Variants in PTPRN2 observed in about 807,000 individuals in gnomAD.
The protein encoded by PTPRN2 is protein tyrosine phosphatase receptor type N2, also known as receptor-type tyrosine-protein phosphatase N2.
In PTPRN2, 74 loss-of-function variants were observed where a neutral mutation model predicts 118.8. That is an observed-to-expected ratio of 0.62 (90% CI 0.52 to 0.76). The LOEUF (loss-of-function observed/expected upper bound fraction) is 0.76. PTPRN2 is among the 30% of genes least tolerant of loss of function. The pLI is 0.00. For synonymous variants in PTPRN2, 641 were observed against 608.0 expected, an observed-to-expected ratio of 1.05 and a Z score of -0.80; for missense variants, 1,481 against 1,394.4, an observed-to-expected ratio of 1.06 and a Z score of -0.99.
Position 157,740,488 on chromosome 7 carries a change from C to T in PTPRN2, c.1789-57551G>A, listed in dbSNP as rs1023104020. ...CCCCGTCTCCCTCCGTCCACGGCAACGCGGGAGCCTGACCAGCTCCGGAAC... is the reference window on the plus strand; with the variant it reads ...CCCCGTCTCCCTCCGTCCACGGCAATGCGGGAGCCTGACCAGCTCCGGAAC... On this transcript the variant is annotated intron_variant, in intron 12 of 22. Coordinates refer to ENST00000389418, the MANE Select transcript of PTPRN2 (RefSeq NM_002847.5). 5.3e-5 allele frequency: 8 copies of T among 151,290 alleles called. No individual in the cohort carries two copies. In the East Asian group the frequency reaches 9.7e-4, roughly 18 times the overall value. 9.4% of individuals were successfully genotyped at this position (151,290 alleles called of 1,614,324 possible). A position where few individuals can be genotyped will look rare whatever the true frequency, so the allele number is the denominator to read the frequency against.
At chr7:158,581,269 GTCTT>G (rs1280174947) in intron 1 of PTPRN2, among the ~76,000 whole-genome samples, 1 of 152,314 alleles carries the variant, frequency 6.6e-6, no homozygotes, top group South Asian at 2.1e-4. Context: ...CCAAGACTCA[GTCTT>G]TCTATCTGTA....
At chr7:158,461,840 A>T (rs924022468) in intron 2 of PTPRN2, among the ~76,000 whole-genome samples, 1 of 152,210 alleles carries the variant, frequency 6.6e-6, no homozygotes, top group Non-Finnish European at 1.5e-5. Context: ...TTTCACCCAC[A>T]TTTTAAAAAC....
intron 11 of PTPRN2, among the ~76,000 whole-genome samples, chr7:157,954,980 A>G (rs1335427259): frequency 6.6e-6 from 1 of 152,232 alleles, no homozygotes; most frequent in Admixed American, 6.5e-5. Context: ...TTGTTTTTAC[A>G]AAATGCCACT....
intron 3 of PTPRN2, among the ~76,000 whole-genome samples, chr7:158,262,921 ACATT>A (rs760807418): frequency 7.3e-4 from 104 of 143,186 alleles, no homozygotes; most frequent in Admixed American, 1.9e-3. Context: ...CACTGCACAC[ACATT>A]CACACACTGC....
chr7:157,660,616 C>T (rs1795838886), intron 13 of PTPRN2, among the ~76,000 whole-genome samples: 1 of 152,134 alleles, frequency 6.6e-6, no homozygotes, highest in African/African-American at 2.4e-5. Context: ...AGCATGGAGG[C>T]AGCTACAGAG....
intron 2 of PTPRN2, among the ~76,000 whole-genome samples, chr7:158,416,598 G>A (rs1233177340): frequency 6.6e-6 from 1 of 151,960 alleles, no homozygotes; most frequent in African/African-American, 2.4e-5. Flanking sequence ...ATTATCAGAA[G>A]AAAGAACAGA....
rs140017193 is a variant in PTPRN2 at position 158,062,911 on chromosome 7, C to T, written c.1723+18387G>A. 5.3e-3 allele frequency among the ~76,000 whole-genome samples: 800 copies of T among 152,344 alleles called. 5 individuals carry two copies. Among genetic ancestry groups the T allele is most frequent in the African/African-American group, 0.018 (741 of 41,590 alleles). Reference sequence around the variant, plus strand: ...CCCCGACAAGCGCCGCCCCCTGCTCCGCGGCGCCCAGTCCCATTGACCGCC... The same window carrying T: ...CCCCGACAAGCGCCGCCCCCTGCTCTGCGGCGCCCAGTCCCATTGACCGCC... On this transcript the variant is annotated intron_variant, in intron 11 of 22. Coordinates refer to ENST00000389418, the MANE Select transcript of PTPRN2 (RefSeq NM_002847.5).
At chr7:158,136,124 C>T (rs941330445) in intron 8 of PTPRN2, among the ~76,000 whole-genome samples, 11 of 152,350 alleles carry the variant, frequency 7.2e-5, no homozygotes, top group South Asian at 2.1e-4. Flanking sequence ...TGGCATCCAG[C>T]GCCTTGGCCC....
rs149740112 is a variant in PTPRN2 at position 158,342,938 on chromosome 7, A to C, written c.164-26006T>G. 6.1e-3 allele frequency among the ~76,000 whole-genome samples: 926 copies of C among 152,300 alleles called. 13 individuals are homozygous for C. Among genetic ancestry groups the C allele is most frequent in the African/African-American group, 0.021 (865 of 41,576 alleles). ...AGCGAAGGAGAACGGCAGGGTGGAC[A>C]AGTGCTGGGTTCTTTTCAGCCAGCA... is the stretch of plus-strand genomic sequence containing the variant. On this transcript the variant is annotated intron_variant, in intron 2 of 22. Transcript: ENST00000389418.
At chr7:157,723,914 A>G (rs892320726) in intron 12 of PTPRN2, among the ~76,000 whole-genome samples, 2 of 152,232 alleles carry the variant, frequency 1.3e-5, no homozygotes, top group African/African-American at 4.8e-5. Context: ...CTGGGAATCA[A>G]TCTATCCAAA....
At chr7:157,952,337 G>T (rs1239389688) in intron 11 of PTPRN2, among the ~76,000 whole-genome samples, 1 of 150,672 alleles carries the variant, frequency 6.6e-6, no homozygotes, top group Non-Finnish European at 1.5e-5. Flanking sequence ...CCTGAGACAG[G>T]GTGGGGGACA....
chr7:158,472,540 C>G (rs1819935623), intron 2 of PTPRN2, among the ~76,000 whole-genome samples: 1 of 152,150 alleles, frequency 6.6e-6, no homozygotes, highest in African/African-American at 2.4e-5. Flanking sequence ...GTTATTCCAG[C>G]TCAAGAATAT....
At chr7:158,046,747 T>C (rs2128893620) in intron 11 of PTPRN2, among the ~76,000 whole-genome samples, 1 of 152,258 alleles carries the variant, frequency 6.6e-6, no homozygotes. Flanking sequence ...GGCATGCTCT[T>C]GAGTTTCCTG....
At chr7:157,565,449 C>T (rs1368546443) in intron 21 of PTPRN2, among the ~76,000 whole-genome samples, 5 of 152,246 alleles carry the variant, frequency 3.3e-5, no homozygotes, top group African/African-American at 1.2e-4. Flanking sequence ...GGGGATCATA[C>T]AGTGTCTGCT....
chr7:158,144,877 C>A (rs917622349), intron 6 of PTPRN2, among the ~76,000 whole-genome samples: 1 of 152,230 alleles, frequency 6.6e-6, no homozygotes, highest in Non-Finnish European at 1.5e-5. Context: ...CAAACCCACA[C>A]AGAGGCCAAG....
intron 2 of PTPRN2, among the ~76,000 whole-genome samples, chr7:158,470,416 G>C (rs1308023577): frequency 3.3e-5 from 5 of 152,288 alleles, no homozygotes; most frequent in Non-Finnish European, 7.3e-5. Flanking sequence ...ACACAGCGCT[G>C]CCTTCTCCTC....
intron 12 of PTPRN2, among the ~76,000 whole-genome samples, chr7:157,892,080 G>A (rs1287220845): frequency 6.6e-6 from 1 of 152,190 alleles, no homozygotes; most frequent in African/African-American, 2.4e-5. Context: ...AAGCTAGAAC[G>A]CTGGGCAGGG....
chr7:158,312,328 GCACATGCACTCACGTGCTCAGGTGTAGA>G (rs1801880845), intron 3 of PTPRN2, among the ~76,000 whole-genome samples: 2 of 96,756 alleles, frequency 2.1e-5, no homozygotes, highest in African/African-American at 7.7e-5. Flanking sequence ...ACACACATCT[GCACATGCACTCACGTGCTCAGGTGTAGA>G]CACACACACA....
At chr7:157,812,927 G>A (rs148839136) in intron 12 of PTPRN2, among the ~76,000 whole-genome samples, 65 of 152,214 alleles carry the variant, frequency 4.3e-4, no homozygotes, top group Non-Finnish European at 8.1e-4. Flanking sequence ...AGAAGCCTTC[G>A]TCTTGGTTTA....
Sources: allele counts gnomAD v4.1 joint callset (sites outside exome capture counted in the v4.1 genomes callset), GRCh38; gene constraint gnomAD v4.1.1; transcripts MANE v1.5; gene names NCBI Gene and HGNC (gene_info 2026-07-23, HGNC 2026-07-21).